The following PIEZO2 variants were observed in gnomAD, a reference collection of about 807,000 sequenced individuals.
The protein encoded by PIEZO2 is piezo type mechanosensitive ion channel component 2.
PIEZO2 carries 172 observed loss-of-function variants against 337.3 expected under a neutral mutation model. That is an observed-to-expected ratio of 0.51 (90% CI 0.45 to 0.58). PIEZO2 has a LOEUF of 0.58. Among genes scored for constraint, PIEZO2 ranks in the 20% least tolerant of loss-of-function variants. The probability of loss-of-function intolerance (pLI) is 0.00; values close to 1 mark genes in which losing one functional copy is unlikely to be tolerated. For missense variants in PIEZO2, 3,028 were observed against 3,391.3 expected, an observed-to-expected ratio of 0.89 and a Z score of 2.66; for synonymous variants, 1,251 against 1,228.5, an observed-to-expected ratio of 1.02 and a Z score of -0.38.
chr18:10,928,058 A>T (rs1312682262), intron 3 of PIEZO2, among the ~76,000 whole-genome samples: 3 of 152,126 alleles, frequency 2.0e-5, no homozygotes, highest in African/African-American at 7.2e-5. Flanking sequence ...GTGACGCCCC[A>T]CTCATAGGGC....
intron 3 of PIEZO2, among the ~76,000 whole-genome samples, chr18:10,967,231 T>C (rs2034045613): frequency 6.6e-6 from 1 of 151,964 alleles, no homozygotes. Context: ...GTTAGCCAGG[T>C]TGGTCTCAAT....
chr18:10,697,018 G>A (rs960073646), intron 45 of PIEZO2, among the ~76,000 whole-genome samples: 3 of 152,166 alleles, frequency 2.0e-5, no homozygotes, highest in Non-Finnish European at 2.9e-5. Context: ...TGGTCCATGC[G>A]CGTTTGAATG....
chr18:11,062,664 C>A (rs1279463354), intron 2 of PIEZO2, among the ~76,000 whole-genome samples: 1 of 152,204 alleles, frequency 6.6e-6, no homozygotes, highest in East Asian at 1.9e-4. Context: ...AAAAAATGCT[C>A]ATCATCACTG....
intron 49 of PIEZO2, among the ~76,000 whole-genome samples, chr18:10,688,715 AT>A (rs796379954): frequency 5.3e-5 from 8 of 151,758 alleles, no homozygotes; most frequent in Non-Finnish European, 1.2e-4. Flanking sequence ...AGATACCCCT[AT>A]TTTTTTTCTA....
At chr18:10,844,203 G>C (rs940712351) in intron 7 of PIEZO2, among the ~76,000 whole-genome samples, 1 of 152,078 alleles carries the variant, frequency 6.6e-6, no homozygotes, top group African/African-American at 2.4e-5. Flanking sequence ...CGGATCATTT[G>C]AGGCCAGGAG....
chr18:10,904,462 C>T (rs969377925), intron 4 of PIEZO2, among the ~76,000 whole-genome samples: 7 of 152,332 alleles, frequency 4.6e-5, no homozygotes, highest in South Asian at 2.1e-4. Flanking sequence ...TCCTTTCTTA[C>T]GACGGTCTTC....
chr18:10,797,517 G>T lies in PIEZO2; in HGVS notation c.1384C>A (p.Arg462=). 2 of 1,536,040 alleles carry T rather than the reference G, an allele frequency of 1.3e-6. No individual in the cohort carries two copies. The highest frequency in any genetic ancestry group is 1.2e-5 in the South Asian group (1 of 83,904). ...TCTTTCTCTTCCTCTTCCTCCTCTC[G>T]CTTTTCTAGATGGACGAATACTTTA... ...WEPSDESSEK[R]EEEEEEKEEF... Residue 462 remains arginine, a synonymous_variant, in exon 12 of 56, where the codon CGA becomes AGA. Transcript: ENST00000674853.
At chr18:10,913,539 TTA>T (rs1292811880) in intron 3 of PIEZO2, among the ~76,000 whole-genome samples, 1 of 152,220 alleles carries the variant, frequency 6.6e-6, no homozygotes, top group Non-Finnish European at 1.5e-5. Flanking sequence ...TTTTTTATTT[TTA>T]ATAGGTTCAA....
intron 1 of PIEZO2, among the ~76,000 whole-genome samples, chr18:11,089,071 T>G (rs1272405095): frequency 1.3e-5 from 2 of 152,164 alleles, no homozygotes; most frequent in Non-Finnish European, 2.9e-5. Context: ...CATGTGTGCA[T>G]CCTCTTTACT....
At chr18:10,734,374 T>C (rs2036911966) in intron 35 of PIEZO2, among the ~76,000 whole-genome samples, 4 of 152,080 alleles carry the variant, frequency 2.6e-5, no homozygotes, top group Non-Finnish European at 5.9e-5. Flanking sequence ...TTGAGGGAAA[T>C]GCACACTGTG....
rs1454415870 is a variant in PIEZO2 at position 10,767,595 on chromosome 18, GGGCACT to G, written c.2946+2547_2946+2552del. On this transcript the variant is annotated intron_variant, in intron 21 of 55. Coordinates refer to ENST00000674853, the MANE Select transcript of PIEZO2 (RefSeq NM_001378183.1). The surrounding 1 kb of genome is among the most constrained non-coding windows in gnomAD (Gnocchi z 4.2). Reference sequence around the variant, plus strand: ...GCCCGATGCGTGAACCCTGGAGCTTGGGCACTGGTACCCATGGGGCCAGAAGAGATG... The same window carrying G: ...GCCCGATGCGTGAACCCTGGAGCTTGGGTACCCATGGGGCCAGAAGAGATG... Among the ~76,000 whole-genome samples the G allele has an allele frequency of 2.6e-5, 4 of 152,174 alleles. No homozygotes were observed. The highest frequency in any genetic ancestry group is 4.4e-5 in the Non-Finnish European group (3 of 68,024).
At chr18:11,014,809 C>T (rs2660267) in intron 2 of PIEZO2, among the ~76,000 whole-genome samples, 37,800 of 134,754 alleles carry the variant, frequency 0.28, 4,813 homozygotes, top group Non-Finnish European at 0.33. Flanking sequence ...GGTGGGACAG[C>T]GATCCGGGGC....
chr18:10,706,333 T>C (rs563109079), intron 40 of PIEZO2, among the ~76,000 whole-genome samples: 1 of 152,138 alleles, frequency 6.6e-6, no homozygotes, highest in South Asian at 2.1e-4. Flanking sequence ...TGCTTTTCCA[T>C]CCTTTGCCTT....
chr18:10,921,086 G>A lies in PIEZO2; in HGVS notation c.287-9858C>T, dbSNP rs545026922. Reference sequence around the variant, plus strand: ...AACAAACAAACAAAGAATGTGCATGGAGGAGTTTTAAGAAAGAGGGAGTCA... The same window carrying A: ...AACAAACAAACAAAGAATGTGCATGAAGGAGTTTTAAGAAAGAGGGAGTCA... On this transcript the variant is annotated intron_variant, in intron 3 of 55. Coordinates refer to ENST00000674853, the MANE Select transcript of PIEZO2 (RefSeq NM_001378183.1). Among the ~76,000 whole-genome samples the A allele has an allele frequency of 4.6e-5, 7 of 152,224 alleles. No individual in the cohort carries two copies. The South Asian group carries it at 1.2e-3, about 27-fold the overall frequency.
At chr18:11,056,495 T>A (rs1698644467) in intron 2 of PIEZO2, among the ~76,000 whole-genome samples, 6 of 152,162 alleles carry the variant, frequency 3.9e-5, no homozygotes, top group Admixed American at 3.9e-4. Context: ...GATCTTCAAG[T>A]GTGTAATTAT....
rs543634236 is a variant in PIEZO2 at position 10,940,428 on chromosome 18, G to T, written c.287-29200C>A. 1.3e-5 allele frequency among the ~76,000 whole-genome samples: 2 copies of T among 152,304 alleles called. No individual in the cohort carries two copies. Among genetic ancestry groups the T allele is most frequent in the South Asian group, 4.1e-4 (2 of 4,830 alleles). On this transcript the variant is annotated intron_variant, in intron 3 of 55. Coordinates refer to ENST00000674853, the MANE Select transcript of PIEZO2 (RefSeq NM_001378183.1). The surrounding 1 kb of genome is among the most constrained non-coding windows in gnomAD (Gnocchi z 5.3). ...ACAACATAAGCGAATCTTACCTGCA[G>T]AATATCCTAGTGTTTTCCTCCAGTG...
intron 43 of PIEZO2, among the ~76,000 whole-genome samples, chr18:10,700,956 G>A (rs1000128941): frequency 4.6e-5 from 7 of 152,196 alleles, no homozygotes; most frequent in African/African-American, 1.4e-4. Context: ...AAGCTAGAGT[G>A]AGGAGGCTGA....
chr18:10,789,790 A>G (rs1280044345), intron 14 of PIEZO2, among the ~76,000 whole-genome samples: 3 of 152,238 alleles, frequency 2.0e-5, no homozygotes, highest in African/African-American at 7.2e-5. Flanking sequence ...TTAAACAAAA[A>G]GTATACTTTT....
Position 10,705,553 on chromosome 18 carries a change from G to C in PIEZO2, c.5782C>G (p.Leu1928Val). The C allele has an allele frequency of 6.5e-7, 1 of 1,537,270 alleles. No individual in the cohort carries two copies. Among genetic ancestry groups the C allele is most frequent in the Non-Finnish European group, 8.7e-7 (1 of 1,146,906 alleles). Residue 1928 changes from leucine to valine, a missense_variant, in exon 41 of 56, where the codon CTG becomes GTG. Physicochemically the swap from Leu to Val is conservative, Grantham distance 32. Around this residue, in one of 5 missense-constraint regions of PIEZO2, gnomAD observed 1,925 missense variants for 2,051.9 expected, o/e 0.94. Coordinates refer to ENST00000674853, the MANE Select transcript of PIEZO2 (RefSeq NM_001378183.1). ...CCGTCCAAGGTGGAGAACTGTGTCAGCTCTTCCTCTGGGGTGAGGCTGGCC... is the reference window on the plus strand; with the variant it reads ...CCGTCCAAGGTGGAGAACTGTGTCACCTCTTCCTCTGGGGTGAGGCTGGCC... The part of the protein sequence containing the change: ...EEASLTPEEE[L>V]TQFSTLDGDV...
Sources: allele counts gnomAD v4.1 joint callset (sites outside exome capture counted in the v4.1 genomes callset), GRCh38; gene constraint gnomAD v4.1.1; regional missense constraint gnomAD v4.1.1; non-coding constraint Gnocchi (gnomAD v3.1); transcripts MANE v1.5; gene names NCBI Gene and HGNC (gene_info 2026-07-23, HGNC 2026-07-21).